PCNX1: variants seen among roughly 807,000 people sequenced by gnomAD.
PCNX1 encodes pecanex-like protein 1.
A neutral mutation model predicts 242.2 loss-of-function variants in PCNX1; 78 were observed. The observed-to-expected ratio is 0.32, with a 90% CI of 0.27 to 0.39. The LOEUF (loss-of-function observed/expected upper bound fraction) is 0.39. PCNX1 is among the 10% of genes least tolerant of loss of function. PCNX1 has a pLI of 1.00. For missense variants in PCNX1, 2,581 were observed against 2,856.5 expected (o/e 0.90, Z 2.20); for synonymous variants, 1,024 against 1,032.9 (o/e 0.99, Z 0.17).
chr14:71,065,628 C>T (rs1439370682), intron 26 of PCNX1, among the ~76,000 whole-genome samples: 1 of 152,066 alleles, frequency 6.6e-6, no homozygotes, highest in Non-Finnish European at 1.5e-5. Flanking sequence ...GTTTAGATCC[C>T]ATTTGTCTAT....
At chr14:70,921,375 A>G (rs1445981331) in intron 1 of PCNX1, among the ~76,000 whole-genome samples, 1 of 152,130 alleles carries the variant, frequency 6.6e-6, no homozygotes, top group African/African-American at 2.4e-5. Context: ...TTTGATTTAT[A>G]TATCAAGCAG....
chr14:70,962,372 C>T (rs1425434632), intron 3 of PCNX1, 41 bp downstream of exon 3: 2 of 1,035,996 alleles, frequency 1.9e-6, no homozygotes, highest in Non-Finnish European at 3.1e-6. Context: ...TTTCCCTCCT[C>T]CTGATGGTGG....
At chr14:71,104,854 A>T (rs2062566095) in intron 32 of PCNX1, among the ~76,000 whole-genome samples, 1 of 152,096 alleles carries the variant, frequency 6.6e-6, no homozygotes, top group Non-Finnish European at 1.5e-5. Context: ...TTGAACTTGG[A>T]GGTGGAGGTT....
intron 1 of PCNX1, among the ~76,000 whole-genome samples, chr14:70,918,675 G>A (rs890500203): frequency 6.6e-6 from 1 of 152,156 alleles, no homozygotes; most frequent in Non-Finnish European, 1.5e-5. Flanking sequence ...ATAAAGCTAA[G>A]CACAACATAA....
chr14:70,956,802 C>A (rs180952401), intron 2 of PCNX1, among the ~76,000 whole-genome samples: 115 of 152,188 alleles, frequency 7.6e-4, no homozygotes, highest in African/African-American at 2.6e-3. Flanking sequence ...TGTTTCATTC[C>A]TCCTCTGAGA....
intron 5 of PCNX1, among the ~76,000 whole-genome samples, chr14:70,974,060 T>C (rs183052233): frequency 1.1e-3 from 168 of 151,542 alleles, no homozygotes; most frequent in Non-Finnish European, 1.7e-3. Flanking sequence ...CACAATTATA[T>C]GTGGTTTTTT....
At chr14:71,086,776 T>C (rs1208253664) in intron 28 of PCNX1, among the ~76,000 whole-genome samples, 1 of 152,154 alleles carries the variant, frequency 6.6e-6, no homozygotes, top group East Asian at 1.9e-4. Flanking sequence ...CTGTCTCAAT[T>C]TGTGCTCCCC....
intron 8 of PCNX1, among the ~76,000 whole-genome samples, chr14:70,999,881 C>A (rs541741131): frequency 6.6e-6 from 1 of 152,246 alleles, no homozygotes; most frequent in South Asian, 2.1e-4. Context: ...ATATACTACT[C>A]TAGCATTTTG....
At chr14:71,092,070 CAG>C (rs1370157787) in intron 30 of PCNX1, among the ~76,000 whole-genome samples, 2 of 152,174 alleles carry the variant, frequency 1.3e-5, no homozygotes, top group Admixed American at 6.5e-5. Flanking sequence ...CCCCACGAAA[CAG>C]AGAAAAGTCA....
rs1282964480 is a variant in PCNX1 at position 70,907,671 on chromosome 14, T to G, written c.-180T>G. On this transcript the variant is annotated 5_prime_UTR_variant, in exon 1 of 36. Transcript: ENST00000304743. ...CTCCTCTCGGGTCTCCTCCTCCTCG[T>G]TTGCTGCCTCCTCCTCCTCCTGCAG... 6.1e-5 allele frequency: 36 copies of G among 586,732 alleles called. No homozygotes were observed. Among genetic ancestry groups the G allele is most frequent in the East Asian group, 1.3e-4 (2 of 15,006 alleles). The allele number at this position is 586,732 out of a possible 1,614,324, so 36.3% of individuals were successfully genotyped here.
At chr14:70,948,129 A>C (rs1055195168) in intron 2 of PCNX1, among the ~76,000 whole-genome samples, 1 of 152,098 alleles carries the variant, frequency 6.6e-6, no homozygotes, top group South Asian at 2.1e-4. Context: ...CAGTAATTCT[A>C]ATTTCGCCCT....
At chr14:71,023,821 A>G (rs1325894940) in intron 13 of PCNX1, among the ~76,000 whole-genome samples, 1 of 152,154 alleles carries the variant, frequency 6.6e-6, no homozygotes, top group Non-Finnish European at 1.5e-5. Context: ...GTAGTTCAAA[A>G]ATAGACTTCA....
At chr14:70,912,228 C>G (rs1303368905) in intron 1 of PCNX1, among the ~76,000 whole-genome samples, 1 of 149,158 alleles carries the variant, frequency 6.7e-6, no homozygotes, top group Non-Finnish European at 1.5e-5. Context: ...GAGCGAGACT[C>G]TGTCTCAAAA....
At chr14:71,094,709 C>T (rs952792901) in intron 30 of PCNX1, among the ~76,000 whole-genome samples, 5 of 152,132 alleles carry the variant, frequency 3.3e-5, no homozygotes, top group Non-Finnish European at 7.3e-5. Flanking sequence ...GGGAGGATCT[C>T]TAGAGTCCAG....
chr14:70,991,501 G>A (rs1440549905), intron 7 of PCNX1, among the ~76,000 whole-genome samples: 2 of 152,256 alleles, frequency 1.3e-5, no homozygotes, highest in Middle Eastern at 3.4e-3. Flanking sequence ...ACTGCGCCCA[G>A]CCCCTACTAC....
intron 16 of PCNX1, among the ~76,000 whole-genome samples, chr14:71,031,303 C>A (rs1447484776): frequency 6.6e-6 from 1 of 152,262 alleles, no homozygotes; most frequent in Non-Finnish European, 1.5e-5. Flanking sequence ...ACATCCCTTC[C>A]TAGCACTTGG....
intron 2 of PCNX1, among the ~76,000 whole-genome samples, chr14:70,949,688 C>G (rs2140346637): frequency 6.6e-6 from 1 of 152,292 alleles, no homozygotes; most frequent in Admixed American, 6.5e-5. Context: ...CCCATCCCAG[C>G]TGAAGTGATC....
chr14:70,929,797 T>C (rs1227659154), intron 1 of PCNX1, among the ~76,000 whole-genome samples: 1 of 152,216 alleles, frequency 6.6e-6, no homozygotes, highest in Non-Finnish European at 1.5e-5. Context: ...TAATGACTTC[T>C]GTGATGAAGA....
chr14:71,010,788 T>C (rs1191487638), intron 9 of PCNX1, among the ~76,000 whole-genome samples: 2 of 152,130 alleles, frequency 1.3e-5, no homozygotes, highest in African/African-American at 4.8e-5. Flanking sequence ...GTGGGCTGTT[T>C]ACTTATTTTT....
Sources: gnomAD v4.1 joint callset for allele counts (sites outside exome capture counted in the v4.1 genomes callset) on GRCh38, gnomAD v4.1.1 for gene constraint, MANE v1.5 for transcripts, NCBI Gene and HGNC (gene_info 2026-07-23, HGNC 2026-07-21) for gene names.